TSPAN2: variants seen among roughly 807,000 people sequenced by gnomAD.
The protein encoded by TSPAN2 is tetraspanin-2.
TSPAN2 carries 24 observed loss-of-function variants against 33.3 expected under a neutral mutation model. The ratio of observed to expected loss-of-function variants is 0.72; its 90% CI spans 0.52 to 1.01. TSPAN2 has a LOEUF of 1.01. TSPAN2 is among the 50% of genes least tolerant of loss of function. TSPAN2 has a pLI of 0.00. For missense variants in TSPAN2, 278 were observed against 281.3 expected, an observed-to-expected ratio of 0.99 and a Z score of 0.08; for synonymous variants, 114 against 104.5, an observed-to-expected ratio of 1.09 and a Z score of -0.56.
intron 6 of TSPAN2, among the ~76,000 whole-genome samples, chr1:115,055,404 A>AT (rs1250282284): frequency 2.1e-4 from 27 of 128,070 alleles, no homozygotes; most frequent in Admixed American, 6.0e-4. Flanking sequence ...ACTTACACAC[A>AT]CAAACACACC....
intron 1 of TSPAN2, among the ~76,000 whole-genome samples, chr1:115,074,153 G>C (rs1268211261): frequency 6.6e-6 from 1 of 152,136 alleles, no homozygotes; most frequent in Non-Finnish European, 1.5e-5. Context: ...AGCACACACA[G>C]ACGCTGGGAA....
intron 2 of TSPAN2, among the ~76,000 whole-genome samples, chr1:115,069,263 T>C (rs1648070371): frequency 6.6e-6 from 1 of 152,122 alleles, no homozygotes; most frequent in Non-Finnish European, 1.5e-5. Flanking sequence ...TTTTTCTCTA[T>C]TAGGTAAAGG....
rs1272016231 is a variant in TSPAN2 at position 115,048,171 on chromosome 1, A to ATG, written c.*2317_*2318dup. 1 of 125,018 alleles carries ATG rather than the reference A, an allele frequency of 8.0e-6. No individual in the cohort carries two copies. The highest frequency in any genetic ancestry group is 1.7e-5 in the Non-Finnish European group (1 of 59,476). 7.7% of individuals were successfully genotyped at this position (125,018 alleles called of 1,614,324 possible). On this transcript the variant is annotated 3_prime_UTR_variant, in exon 8 of 8. Transcript: ENST00000369516. ...TAGCTGAAAATTTATGTATATGTGT[A>ATG]TGTATATATATATATACACACACAT...
At chr1:115,075,268 C>T (rs962619849) in intron 1 of TSPAN2, among the ~76,000 whole-genome samples, 4 of 152,190 alleles carry the variant, frequency 2.6e-5, no homozygotes, top group Non-Finnish European at 4.4e-5. Context: ...CTTGCTCATC[C>T]ATGCCCCTAA....
At chr1:115,053,507 G>A in intron 6 of TSPAN2, 45 bp from the exon 7 acceptor site, 1 of 1,497,172 alleles carries the variant, frequency 6.7e-7, no homozygotes, top group South Asian at 1.1e-5. Flanking sequence ...GATTGTATGT[G>A]TCAGTCATTA....
chr1:115,057,643 G>C, intron 5 of TSPAN2, 35 bp from the exon 6 acceptor site: 1 of 1,604,710 alleles, frequency 6.2e-7, no homozygotes, highest in Non-Finnish European at 8.5e-7. Flanking sequence ...AGGACCAGGC[G>C]GGAGGAGTAG....
At chr1:115,055,605 C>A (rs2101023510) in intron 6 of TSPAN2, among the ~76,000 whole-genome samples, 2 of 152,116 alleles carry the variant, frequency 1.3e-5, no homozygotes, top group East Asian at 1.9e-4. Flanking sequence ...CTCACTGCAA[C>A]CTCTGCCTCC....
chr1:115,070,127 G>T (rs1648108013), intron 2 of TSPAN2, among the ~76,000 whole-genome samples: 1 of 152,096 alleles, frequency 6.6e-6, no homozygotes, highest in South Asian at 2.1e-4. Flanking sequence ...TGATGGAGCG[G>T]GGGCCCCTTA....
At chr1:115,079,542 T>C (rs1035303688) in intron 1 of TSPAN2, among the ~76,000 whole-genome samples, 3 of 152,218 alleles carry the variant, frequency 2.0e-5, no homozygotes, top group African/African-American at 4.8e-5. Flanking sequence ...TATTCTGTTA[T>C]GCAGTAAAAG....
At chr1:115,052,266 G>A (rs933316691) in intron 7 of TSPAN2, among the ~76,000 whole-genome samples, 1 of 152,150 alleles carries the variant, frequency 6.6e-6, no homozygotes, top group South Asian at 2.1e-4. Context: ...AGGGGAAGGC[G>A]CTTGTGTGTC....
In TSPAN2 at chr1:115,089,366, A is replaced by C; in HGVS notation, c.67T>G (p.Trp23Gly). 6.3e-7 allele frequency: 1 copy of C among 1,584,820 alleles called. No individual in the cohort carries two copies. Among genetic ancestry groups the C allele is most frequent in the Non-Finnish European group, 8.6e-7 (1 of 1,166,162 alleles). The change falls in exon 1 of 8, where the codon TGG becomes GGG. Residue 23 changes from tryptophan to glycine, a missense_variant and splice_region_variant. Coordinates refer to ENST00000369516, the MANE Select transcript of TSPAN2 (RefSeq NM_005725.6). ...GCCCTCCCGGCTCCTGGTCTCACCC[A>C]GAAGAGCAGGTTGAAGCCAAGCAGC... The part of the protein sequence containing the change: ...YLLLGFNLLF[W>G]LAGSAVIAFG...
intron 1 of TSPAN2, among the ~76,000 whole-genome samples, chr1:115,082,091 T>A (rs1013721764): frequency 1.3e-5 from 2 of 152,256 alleles, no homozygotes; most frequent in Non-Finnish European, 2.9e-5. Context: ...GATGTAAATG[T>A]CCTATATCTC....
At chr1:115,050,798 C>G (rs1189127639) in intron 7 of TSPAN2, among the ~76,000 whole-genome samples, 1 of 152,038 alleles carries the variant, frequency 6.6e-6, no homozygotes, top group African/African-American at 2.4e-5. Flanking sequence ...AAGAACCTAC[C>G]CTGCTTCAGA....
At chr1:115,070,063 G>A (rs1648104282) in intron 2 of TSPAN2, among the ~76,000 whole-genome samples, 1 of 152,178 alleles carries the variant, frequency 6.6e-6, no homozygotes, top group Admixed American at 6.5e-5. Context: ...CACAGACTGA[G>A]GTTGCTCCCG....
At chr1:115,077,472 C>T (rs1195573967) in intron 1 of TSPAN2, among the ~76,000 whole-genome samples, 1 of 152,096 alleles carries the variant, frequency 6.6e-6, no homozygotes, top group Non-Finnish European at 1.5e-5. Context: ...AACCATATTC[C>T]AGAGAGTTTG....
At chr1:115,078,445 A>C (rs951810933) in intron 1 of TSPAN2, among the ~76,000 whole-genome samples, 11 of 152,162 alleles carry the variant, frequency 7.2e-5, no homozygotes, top group Admixed American at 2.6e-4. Context: ...TGCAAAATTC[A>C]CAGGTTGAGG....
chr1:115,073,285 C>T (rs763910170), intron 1 of TSPAN2, among the ~76,000 whole-genome samples: 23 of 152,192 alleles, frequency 1.5e-4, no homozygotes, highest in Non-Finnish European at 2.4e-4. Context: ...GGGGCACACA[C>T]AGCACAGCCA....
Position 115,072,481 on chromosome 1 carries a change from C to T in TSPAN2, c.172+424G>A, listed in dbSNP as rs537888913. 3.9e-5 allele frequency among the ~76,000 whole-genome samples: 6 copies of T among 152,316 alleles called. No homozygotes were observed. In the East Asian group the frequency reaches 9.6e-4, roughly 24 times the overall value. On this transcript the variant is annotated intron_variant, in intron 2 of 7. Transcript: ENST00000369516. ...ACAAAATAAAATCCTACAGGGGTCC[C>T]GTGTCACCCCATATAGACTAGTGAA...
intron 6 of TSPAN2, among the ~76,000 whole-genome samples, chr1:115,057,154 A>G (rs1416739794): frequency 2.6e-5 from 4 of 152,196 alleles, no homozygotes; most frequent in African/African-American, 9.6e-5. Context: ...CCTCAAAATC[A>G]CCATGTTAAA....
Sources: gnomAD v4.1 joint callset for allele counts (sites outside exome capture counted in the v4.1 genomes callset) on GRCh38, gnomAD v4.1.1 for gene constraint, MANE v1.5 for transcripts, NCBI Gene and HGNC (gene_info 2026-07-23, HGNC 2026-07-21) for gene names.